Variants in PTPRG observed in about 807,000 individuals in gnomAD.
PTPRG encodes receptor-type tyrosine-protein phosphatase gamma.
In PTPRG, 102 loss-of-function variants were observed where a neutral mutation model predicts 165.3. The ratio of observed to expected loss-of-function variants is 0.62; its 90% confidence interval spans 0.53 to 0.73. PTPRG has a LOEUF of 0.73. Ranked by LOEUF, PTPRG falls within the 30% of genes least tolerant of loss-of-function variation. The pLI, the probability that PTPRG is intolerant of heterozygous loss-of-function variation, is 0.00. For synonymous variants in PTPRG, 675 were observed against 669.5 expected (o/e 1.01, Z -0.13); for missense variants, 1,866 against 1,861.4 (o/e 1.00, Z -0.05).
At chr3:61,834,153 TTTC>T (rs1176439794) in intron 2 of PTPRG, among the ~76,000 whole-genome samples, 1 of 152,218 alleles carries the variant, frequency 6.6e-6, no homozygotes, top group African/African-American at 2.4e-5. Context: ...TACAGCATCT[TTTC>T]TTCTTTCTTT....
chr3:62,121,530 A>G (rs1302199105), intron 5 of PTPRG, among the ~76,000 whole-genome samples: 1 of 152,124 alleles, frequency 6.6e-6, no homozygotes, highest in Admixed American at 6.5e-5. Context: ...CTTAACCACT[A>G]CACTAGTCTT....
chr3:62,123,123 T>G (rs181495585), intron 5 of PTPRG, among the ~76,000 whole-genome samples: 5 of 152,340 alleles, frequency 3.3e-5, no homozygotes, highest in Non-Finnish European at 5.9e-5. Context: ...TCAAGGTTTC[T>G]CACAAAGCTA....
intron 4 of PTPRG, among the ~76,000 whole-genome samples, chr3:62,063,700 G>A (rs115368782): frequency 2.2e-3 from 339 of 152,040 alleles, no homozygotes; most frequent in African/African-American, 7.7e-3. Flanking sequence ...AACTAGTATC[G>A]CTATGTTGCC....
chr3:61,800,010 A>G (rs2035184864), intron 2 of PTPRG, among the ~76,000 whole-genome samples: 1 of 152,198 alleles, frequency 6.6e-6, no homozygotes, highest in Admixed American at 6.5e-5. Context: ...CTGGAAGGTA[A>G]TTTAAACTCT....
intron 2 of PTPRG, among the ~76,000 whole-genome samples, chr3:61,978,962 C>T (rs1184446006): frequency 6.6e-6 from 1 of 152,150 alleles, no homozygotes; most frequent in Non-Finnish European, 1.5e-5. Context: ...AGTTTTCTAG[C>T]TTCTGAGCCT....
chr3:61,765,120 C>T (rs757184967), intron 2 of PTPRG, among the ~76,000 whole-genome samples: 6 of 152,160 alleles, frequency 3.9e-5, no homozygotes, highest in South Asian at 2.1e-4. Flanking sequence ...TGAATGAGTA[C>T]GTGGCACAAA....
Position 61,727,598 on chromosome 3 carries a change from GC to G in PTPRG, c.86-21278del, listed in dbSNP as rs370646055. Among the ~76,000 whole-genome samples the G allele has an allele frequency of 1.3e-3, 199 of 152,334 alleles. 1 individual carries two copies. The highest frequency in any genetic ancestry group is 3.4e-3 in the Middle Eastern group (1 of 294). On this transcript the variant is annotated intron_variant, in intron 1 of 29. Coordinates refer to ENST00000474889, the MANE Select transcript of PTPRG (RefSeq NM_002841.4). ...GGGTATTCGTAAGTTACAAAGGCATGCCAGAATATGATTGCTAGGTTACAGC... is the reference window on the plus strand; with the variant it reads ...GGGTATTCGTAAGTTACAAAGGCATGCAGAATATGATTGCTAGGTTACAGC...
intron 12 of PTPRG, among the ~76,000 whole-genome samples, chr3:62,206,536 C>T (rs938028139): frequency 2.0e-5 from 3 of 152,144 alleles, no homozygotes; most frequent in Admixed American, 1.3e-4. Flanking sequence ...AGCCCAGGTG[C>T]CACACAATGA....
intron 2 of PTPRG, among the ~76,000 whole-genome samples, chr3:61,809,410 G>A (rs2035508767): frequency 6.6e-6 from 1 of 152,056 alleles, no homozygotes; most frequent in Non-Finnish European, 1.5e-5. Context: ...GAGCCCAGAA[G>A]AATAACCCTA....
intron 1 of PTPRG, among the ~76,000 whole-genome samples, chr3:61,746,696 A>C (rs535867983): frequency 2.9e-4 from 44 of 152,316 alleles, no homozygotes; most frequent in Admixed American, 8.5e-4. Flanking sequence ...AGAATGGTTA[A>C]AAGTGATTGA....
chr3:62,237,259 T>A lies in PTPRG; in HGVS notation c.2375+5948T>A, dbSNP rs1230402860. ...CTGGGTATTCTTCCTTAAGAATTCC[T>A]GGGTGGAAATGGGGGGTCAGAAGTC... On this transcript the variant is annotated intron_variant, in intron 14 of 29. Transcript: ENST00000474889. The surrounding 1 kb of genome is among the most constrained non-coding windows in gnomAD (Gnocchi z 4.5). 6.6e-6 allele frequency among the ~76,000 whole-genome samples: 1 copy of A among 152,166 alleles called. No homozygotes were observed. Among genetic ancestry groups the A allele is most frequent in the Non-Finnish European group, 1.5e-5 (1 of 68,016 alleles).
chr3:61,698,370 A>C (rs998438928), intron 1 of PTPRG, among the ~76,000 whole-genome samples: 1 of 152,168 alleles, frequency 6.6e-6, no homozygotes, highest in South Asian at 2.1e-4. Context: ...AAACTATTCA[A>C]CACTGCCCTT....
chr3:61,868,869 A>G (rs758873212), intron 2 of PTPRG, among the ~76,000 whole-genome samples: 1 of 150,964 alleles, frequency 6.6e-6, no homozygotes, highest in Non-Finnish European at 1.5e-5. Flanking sequence ...GCGCATTTAT[A>G]ACAAGGTCTG....
intron 1 of PTPRG, among the ~76,000 whole-genome samples, chr3:61,685,345 G>GA (rs1224331524): frequency 6.6e-6 from 1 of 152,174 alleles, no homozygotes; most frequent in African/African-American, 2.4e-5. Flanking sequence ...AGGAGAAGAG[G>GA]GTTGGTTAAA....
chr3:62,122,853 A>C (rs1703128980), intron 5 of PTPRG, among the ~76,000 whole-genome samples: 1 of 152,164 alleles, frequency 6.6e-6, no homozygotes, highest in African/African-American at 2.4e-5. Context: ...ATGCCTTTTG[A>C]TAGCTGATGC....
At chr3:61,819,908 C>T (rs567677226) in intron 2 of PTPRG, among the ~76,000 whole-genome samples, 6 of 152,146 alleles carry the variant, frequency 3.9e-5, no homozygotes, top group African/African-American at 7.2e-5. Context: ...AAATGGAAAA[C>T]ATTATAACTA....
intron 3 of PTPRG, among the ~76,000 whole-genome samples, chr3:62,000,303 C>G (rs912223690): frequency 6.7e-6 from 1 of 148,416 alleles, no homozygotes; most frequent in Non-Finnish European, 1.5e-5. Flanking sequence ...AAAAAAAAGT[C>G]CTTACCAATT....
chr3:61,822,621 C>T (rs777961978), intron 2 of PTPRG, among the ~76,000 whole-genome samples: 6 of 152,150 alleles, frequency 3.9e-5, no homozygotes, highest in Non-Finnish European at 8.8e-5. Context: ...GGAGCTACAT[C>T]CTTTAGAGTG....
chr3:62,138,573 G>A (rs1703802574), intron 6 of PTPRG, among the ~76,000 whole-genome samples: 1 of 152,030 alleles, frequency 6.6e-6, no homozygotes, highest in Admixed American at 6.5e-5. Context: ...ACAACAATTA[G>A]CCAGACATGG....
Sources: allele counts gnomAD v4.1 joint callset (sites outside exome capture counted in the v4.1 genomes callset), GRCh38; gene constraint gnomAD v4.1.1; non-coding constraint Gnocchi (gnomAD v3.1); transcripts MANE v1.5; gene names NCBI Gene and HGNC (gene_info 2026-07-23, HGNC 2026-07-21).